DCBLD1: variants seen among roughly 807,000 people sequenced by gnomAD.
DCBLD1 encodes the protein discoidin, CUB and LCCL domain-containing protein 1.
In DCBLD1, 57 loss-of-function variants were observed where a neutral mutation model predicts 71.5. The observed-to-expected ratio is 0.80, with a 90% CI of 0.64 to 0.99. The LOEUF (loss-of-function observed/expected upper bound fraction) is 0.99, where lower values mean the gene tolerates loss of function less well. DCBLD1 is among the 50% of genes least tolerant of loss of function. The pLI is 0.00. For synonymous variants in DCBLD1, 380 were observed against 363.8 expected, an observed-to-expected ratio of 1.04 and a Z score of -0.51; for missense variants, 891 against 923.5, an observed-to-expected ratio of 0.96 and a Z score of 0.46.
chr6:117,498,960 AC>A (rs1483226496), intron 1 of DCBLD1, among the ~76,000 whole-genome samples: 24 of 152,168 alleles, frequency 1.6e-4, no homozygotes, highest in Admixed American at 1.5e-3. Context: ...AGCAAGTCTC[AC>A]TTAATTGCTA....
chr6:117,518,497 A>G (rs934062698), intron 2 of DCBLD1, among the ~76,000 whole-genome samples: 1 of 152,054 alleles, frequency 6.6e-6, no homozygotes, highest in African/African-American at 2.4e-5. Flanking sequence ...ACCCCACTCT[A>G]CTGGCACCAA....
chr6:117,492,313 G>A (rs1481907527), intron 1 of DCBLD1, among the ~76,000 whole-genome samples: 1 of 152,186 alleles, frequency 6.6e-6, no homozygotes, highest in Non-Finnish European at 1.5e-5. Flanking sequence ...AATTCTGAGA[G>A]CTATTGAGGG....
At chr6:117,486,374 T>A (rs1233203049) in intron 1 of DCBLD1, among the ~76,000 whole-genome samples, 1 of 152,212 alleles carries the variant, frequency 6.6e-6, no homozygotes, top group African/African-American at 2.4e-5. Flanking sequence ...ATTAGAGCAA[T>A]TAGTTGTTTT....
chr6:117,548,298 A>G lies in DCBLD1; in HGVS notation c.2007A>G (p.Lys669=), dbSNP rs1044730775. 1 of 1,550,634 alleles carries G rather than the reference A, an allele frequency of 6.4e-7. No individual in the cohort carries two copies. The change falls in exon 15 of 15, where the codon AAA becomes AAG. Residue 669 remains lysine (K), a synonymous_variant. Transcript: ENST00000338728. ...QPADRGYDRP[K]AVSALATESG... is the part of the protein sequence containing the mutation. ...CGGACAGGGGCTACGACCGGCCCAA[A>G]GCTGTCAGCGCCCTCGCCACCGAAA...
At chr6:117,530,973 T>C (rs941563148) in intron 5 of DCBLD1, among the ~76,000 whole-genome samples, 1 of 152,168 alleles carries the variant, frequency 6.6e-6, no homozygotes, top group Non-Finnish European at 1.5e-5. Context: ...TTTCTTTCTG[T>C]GGTGAAATCT....
At chr6:117,534,245 T>C (rs1778813232) in intron 6 of DCBLD1, among the ~76,000 whole-genome samples, 1 of 149,226 alleles carries the variant, frequency 6.7e-6, no homozygotes, top group African/African-American at 2.4e-5. Context: ...AATAAAATTA[T>C]ACATATATAC....
intron 14 of DCBLD1, chr6:117,561,174 T>G (rs1232829535): frequency 4.5e-6 from 1 of 223,604 alleles, no homozygotes; most frequent in Non-Finnish European, 8.9e-6. Flanking sequence ...TTCATTCTAT[T>G]TATCAGTCCT....
At chr6:117,566,374 G>C (rs1249672003) in intron 14 of DCBLD1, among the ~76,000 whole-genome samples, 4 of 152,104 alleles carry the variant, frequency 2.6e-5, no homozygotes, top group African/African-American at 9.7e-5. Context: ...CTTAAAATAT[G>C]TCTAAATGAT....
intron 1 of DCBLD1, among the ~76,000 whole-genome samples, chr6:117,491,201 G>A (rs150104642): frequency 6.6e-6 from 1 of 152,250 alleles, no homozygotes; most frequent in Non-Finnish European, 1.5e-5. Context: ...AGAGAAAACT[G>A]TAGAGGCTTA....
rs370892335 is a variant in DCBLD1 at position 117,538,735 on chromosome 6, T to A, written c.876T>A (p.Leu292=). 75 of 1,614,042 alleles carry A rather than the reference T, an allele frequency of 4.6e-5. 1 individual carries two copies. Among genetic ancestry groups the A allele is most frequent in the African/African-American group, 2.1e-4 (16 of 74,924 alleles). The part of the protein sequence containing the change: ...QVHWSPGQAR[L]QDQGPSWASG... ...ACTGGTCTCCTGGCCAAGCCCGACT[T>A]CAGGACCAAGGCCCATCATGGGCTT... Residue 292 remains leucine, a synonymous_variant, in exon 8 of 15, where the codon CTT becomes CTA. Transcript: ENST00000338728.
At chr6:117,490,711 T>TTGATATGATTAAAATTTTTCCTATATGAA (rs1562427131) in intron 1 of DCBLD1, among the ~76,000 whole-genome samples, 6 of 151,166 alleles carry the variant, frequency 4.0e-5, no homozygotes, top group African/African-American at 1.5e-4. Flanking sequence ...TTAGTTTTTA[T>TTGATATGATTAAAATTTTTCCTATATGAA]AGTCAGCATC....
chr6:117,549,892 G>C, downstream of DCBLD1: 1 of 982,914 alleles, frequency 1.0e-6, no homozygotes, highest in Non-Finnish European at 1.2e-6. Context: ...ACAGTGGAAA[G>C]AGAAAGAGCT....
chr6:117,532,949 T>C (rs1778771320), intron 6 of DCBLD1, among the ~76,000 whole-genome samples: 2 of 152,222 alleles, frequency 1.3e-5, no homozygotes, highest in Non-Finnish European at 2.9e-5. Flanking sequence ...GTGCTTTAAA[T>C]GGTTCAACTT....
chr6:117,555,638 TCTA>T (rs1331924706), intron 14 of DCBLD1, among the ~76,000 whole-genome samples: 1 of 152,180 alleles, frequency 6.6e-6, no homozygotes, highest in Non-Finnish European at 1.5e-5. Context: ...GATCTAGAAT[TCTA>T]CTATGTAACT....
At chr6:117,526,947 G>A (rs558674062) in intron 5 of DCBLD1, among the ~76,000 whole-genome samples, 1 of 152,316 alleles carries the variant, frequency 6.6e-6, no homozygotes, top group South Asian at 2.1e-4. Flanking sequence ...AGCTGGGGCT[G>A]CAATCTCATT....
intron 14 of DCBLD1, among the ~76,000 whole-genome samples, chr6:117,558,652 A>AT (rs563892523): frequency 5.3e-5 from 8 of 152,300 alleles, no homozygotes; most frequent in Admixed American, 5.2e-4. Context: ...AAGCTCCAAG[A>AT]TTCATTTCCC....
chr6:117,553,728 T>A (rs535770405), downstream of DCBLD1, among the ~76,000 whole-genome samples: 37 of 152,346 alleles, frequency 2.4e-4, no homozygotes, highest in East Asian at 7.1e-3. Flanking sequence ...TAAAGGGTGC[T>A]CACATAAGTA....
chr6:117,490,658 G>T (rs1457996284), intron 1 of DCBLD1, among the ~76,000 whole-genome samples: 1 of 150,620 alleles, frequency 6.6e-6, no homozygotes, highest in Non-Finnish European at 1.5e-5. Flanking sequence ...AATGGATCAG[G>T]CTTGTTCATT....
At chr6:117,501,560 C>T (rs577533620) in intron 1 of DCBLD1, among the ~76,000 whole-genome samples, 1 of 152,308 alleles carries the variant, frequency 6.6e-6, no homozygotes, top group Non-Finnish European at 1.5e-5. Flanking sequence ...TCTCGAACTC[C>T]TGACTTCAGG....
Sources: gnomAD v4.1 joint callset for allele counts (sites outside exome capture counted in the v4.1 genomes callset) on GRCh38, gnomAD v4.1.1 for gene constraint, MANE v1.5 for transcripts, NCBI Gene and HGNC (gene_info 2026-07-23, HGNC 2026-07-21) for gene names.